PLEKHN1: variants seen among roughly 807,000 people sequenced by gnomAD.
PLEKHN1 encodes pleckstrin homology domain-containing family N member 1.
In PLEKHN1, 68 loss-of-function variants were observed where a neutral mutation model predicts 72.8. The ratio of observed to expected loss-of-function variants is 0.93; its 90% CI spans 0.77 to 1.14. The LOEUF (loss-of-function observed/expected upper bound fraction) is 1.14, where lower values mean the gene tolerates loss of function less well. PLEKHN1 is among the 50% of genes most tolerant of loss of function. The probability of loss-of-function intolerance (pLI) is 0.00; values close to 1 mark genes in which losing one functional copy is unlikely to be tolerated. For synonymous variants in PLEKHN1, 454 were observed against 371.6 expected, an observed-to-expected ratio of 1.22 and a Z score of -2.55; for missense variants, 1,015 against 840.5, an observed-to-expected ratio of 1.21 and a Z score of -2.57.
chr1:971,092 G>T (rs201680039), intron 6 of PLEKHN1, 21 bp from the exon 7 acceptor site: 2 of 1,585,834 alleles, frequency 1.3e-6, no homozygotes, highest in Non-Finnish European at 1.7e-6. Flanking sequence ...CTGCGGAGAC[G>T]AACTCCCCTG....
rs577867853 is a variant in PLEKHN1, at chr1:970,993, C to T, written c.599C>T (p.Ser200Leu). 24 of 1,604,146 alleles carry T rather than the reference C, an allele frequency of 1.5e-5. No homozygotes were observed. The highest frequency in any genetic ancestry group is 6.7e-5 in the East Asian group (3 of 44,492). Residue 200 changes from serine (S) to leucine (L), a missense_variant, in exon 6 of 16, where the codon TCG becomes TTG. Coordinates refer to ENST00000379410, the MANE Select transcript of PLEKHN1 (RefSeq NM_032129.3). The surrounding 1 kb of genome is among the most constrained non-coding windows in gnomAD (Gnocchi z 4.2). ...CTCGGGGGGCCGCGGCGCTGCCACT[C>T]GGCACCCCCACAGGTCAGTGCCGGG... Reference protein sequence around the residue: ...ALLGGPRRCHSAPPQRRLTRL... With the variant: ...ALLGGPRRCHLAPPQRRLTRL...
chr1:974,836 A>G lies in PLEKHN1; in HGVS notation c.*261A>G. 1 of 518,604 alleles carries G rather than the reference A, an allele frequency of 1.9e-6. No individual in the cohort carries two copies. Among genetic ancestry groups the G allele is most frequent in the Non-Finnish European group, 3.4e-6 (1 of 292,040 alleles). 32.1% of individuals were successfully genotyped at this position (518,604 alleles called of 1,614,324 possible). Reference sequence around the variant, plus strand: ...CAGGTCAGGGAGGTCCTGGCCGTCCACAGGGTCGGCCCTCAGCTCAGCCCG... The same window carrying G: ...CAGGTCAGGGAGGTCCTGGCCGTCCGCAGGGTCGGCCCTCAGCTCAGCCCG... On this transcript the variant is annotated 3_prime_UTR_variant, in exon 16 of 16. Transcript: ENST00000379410.
At position 970,537 on chromosome 1, in the gene PLEKHN1, A is replaced by G; in HGVS notation, c.347A>G (p.Tyr116Cys). The stretch of plus-strand genomic sequence containing the variant: ...CCCGCGCAGGATGTCAGCGACTGCT[A>G]CCTGGAGCTATTCCCCGCCCACCTG... ...FQHSQDVSDC[Y>C]LELFPAHLYF... Residue 116 changes from tyrosine to cysteine, a missense_variant, in exon 4 of 16, where the codon TAC becomes TGC. Transcript: ENST00000379410. The surrounding 1 kb of genome is among the most constrained non-coding windows in gnomAD (Gnocchi z 4.2). 1 of 1,613,064 alleles carries G rather than the reference A, an allele frequency of 6.2e-7. No individual in the cohort carries two copies. Among genetic ancestry groups the G allele is most frequent in the African/African-American group, 1.3e-5 (1 of 75,010 alleles).
intron 2 of PLEKHN1, among the ~76,000 whole-genome samples, chr1:969,357 G>A (rs1643161004): frequency 7.2e-6 from 1 of 139,460 alleles, no homozygotes; most frequent in Non-Finnish European, 1.5e-5. Context: ...GTGTATGTGT[G>A]CATGTGTTTG....
In PLEKHN1 at chr1:974,503, G is replaced by A. The variant is rs901648107; in HGVS notation, c.1764G>A (p.Leu588=). 3 of 1,612,576 alleles carry A rather than the reference G, an allele frequency of 1.9e-6. No individual in the cohort carries two copies. The Admixed American group carries it at 5.0e-5, about 27-fold the overall frequency. ...ACGACCACCTCTGGGACGAGACTTT[G>A]TCTTCCTCCCACCAGAAGTGCCCCC... is the stretch of plus-strand genomic sequence containing the variant. ...PGYDHLWDET[L]SSSHQKCPQL... Residue 588 remains leucine (L), a synonymous_variant, in exon 16 of 16, where the codon TTG becomes TTA. Coordinates refer to ENST00000379410, the MANE Select transcript of PLEKHN1 (RefSeq NM_032129.3).
intron 8 of PLEKHN1, among the ~76,000 whole-genome samples, 182 bp from the exon 9 acceptor site, chr1:971,893 C>G (rs546555383): frequency 6.6e-6 from 1 of 152,230 alleles, no homozygotes; most frequent in Non-Finnish European, 1.5e-5. Context: ...AAGGCCCCCG[C>G]GCCAGGGTTG....
intron 2 of PLEKHN1, among the ~76,000 whole-genome samples, chr1:967,767 C>T (rs888317058): frequency 2.6e-5 from 4 of 152,170 alleles, no homozygotes; most frequent in African/African-American, 9.7e-5. Flanking sequence ...GAGAGGGAGC[C>T]GGGCTGGGTT....
In PLEKHN1 at chr1:973,001, G is replaced by A. The variant is rs1443125107; in HGVS notation, c.1143G>A (p.Gln381=). Residue 381 remains glutamine, a synonymous_variant, in exon 11 of 16, where the codon CAG becomes CAA. Coordinates refer to ENST00000379410, the MANE Select transcript of PLEKHN1 (RefSeq NM_032129.3). ...SVPSTVGCSS[Q]HTPDQANSDR... The stretch of plus-strand genomic sequence containing the variant: ...CATCCACCGTGGGCTGCTCCTCCCA[G>A]CACACACCGGTGAGCGCTTACGGGG... 3 of 1,598,458 alleles carry A rather than the reference G, an allele frequency of 1.9e-6. No individual in the cohort carries two copies. Among genetic ancestry groups the A allele is most frequent in the Non-Finnish European group, 1.7e-6 (2 of 1,172,534 alleles).
rs893591724 is a variant in PLEKHN1, at chr1:975,255, C to T, written c.*680C>T. On this transcript the variant is annotated 3_prime_UTR_variant, in exon 16 of 16. Transcript: ENST00000379410. ...CATCCATGTGTTCTCTGCTCAGCAGCCAGGGTCTCCCACAGTCTTGAGGAC... is the reference window on the plus strand; with the variant it reads ...CATCCATGTGTTCTCTGCTCAGCAGTCAGGGTCTCCCACAGTCTTGAGGAC... 6.6e-6 allele frequency: 1 copy of T among 152,442 alleles called. No homozygotes were observed. The highest frequency in any genetic ancestry group is 6.5e-5 in the Admixed American group (1 of 15,292). 9.4% of individuals were successfully genotyped at this position (152,442 alleles called of 1,614,324 possible). A position where few individuals can be genotyped will look rare whatever the true frequency, so the allele number is the denominator to read the frequency against.
chr1:973,778 A>G, intron 13 of PLEKHN1, 55 bp from the exon 14 acceptor site: 1 of 1,579,344 alleles, frequency 6.3e-7, no homozygotes, highest in Non-Finnish European at 8.6e-7. Flanking sequence ...TGGGAGGTTG[A>G]GGTTCTGGGG....
At chr1:971,289 T>TC in intron 7 of PLEKHN1, 35 bp from the exon 8 acceptor site, 2 of 1,555,842 alleles carry the variant, frequency 1.3e-6, no homozygotes, top group Non-Finnish European at 1.7e-6. Flanking sequence ...GCAGCTCAGT[T>TC]CCCTCATCGC....
chr1:972,168 G>C lies in PLEKHN1; in HGVS notation c.865+18G>C, dbSNP rs1364677993. On this transcript the variant is annotated intron_variant, in intron 9 of 15. Coordinates refer to ENST00000379410, the MANE Select transcript of PLEKHN1 (RefSeq NM_032129.3). ...GATTGAAGGTAGGGCCCTGACCCTG[G>C]TTCTGCCTCCCGCCTGGCCAGGCCA... The C allele has an allele frequency of 2.5e-6, 4 of 1,611,918 alleles. No homozygotes were observed. Among genetic ancestry groups the C allele is most frequent in the Admixed American group, 3.3e-5 (2 of 59,882 alleles).
Position 971,349 on chromosome 1 carries a change from T to C in PLEKHN1, c.734T>C (p.Leu245Pro). 2.5e-6 allele frequency: 4 copies of C among 1,574,998 alleles called. No individual in the cohort carries two copies. The highest frequency in any genetic ancestry group is 3.4e-6 in the Non-Finnish European group (4 of 1,159,970). ...GAGCAGTGGGACCGGCTCTTGGTCC[T>C]GTACCCAACGTCCTTGGCCATTTTC... is the stretch of plus-strand genomic sequence containing the variant. Reference protein sequence around the residue: ...AQEQWDRLLVLYPTSLAIFSE... With the variant: ...AQEQWDRLLVPYPTSLAIFSE... Residue 245 changes from leucine to proline, a missense_variant, in exon 8 of 16, where the codon CTG becomes CCG. Coordinates refer to ENST00000379410, the MANE Select transcript of PLEKHN1 (RefSeq NM_032129.3).
chr1:974,386 T>A (rs762293359), intron 15 of PLEKHN1, 22 bp downstream of exon 15: 43 of 1,612,978 alleles, frequency 2.7e-5, no homozygotes, highest in Non-Finnish European at 3.6e-5. Flanking sequence ...TCCTGCCTCC[T>A]GAGGTGAGTG....
At chr1:971,247 G>A in intron 7 of PLEKHN1, 39 bp downstream of exon 7, 2 of 1,558,800 alleles carry the variant, frequency 1.3e-6, no homozygotes, top group Non-Finnish European at 1.7e-6. Flanking sequence ...GGGATGGGAG[G>A]GGTGCATGGT....
chr1:973,790 C>A, intron 13 of PLEKHN1, 43 bp from the exon 14 acceptor site: 2 of 1,586,664 alleles, frequency 1.3e-6, no homozygotes, highest in Non-Finnish European at 1.7e-6. Flanking sequence ...GTTCTGGGGG[C>A]CCCTGGCTGC....
chr1:971,654 C>G (rs923483042), intron 8 of PLEKHN1: 1 of 596,016 alleles, frequency 1.7e-6, no homozygotes, highest in Admixed American at 3.0e-5. Flanking sequence ...CTGAGAGCCC[C>G]TCCCGGGGAC....
rs774665236 is a variant in PLEKHN1, at chr1:973,835, C to T, written c.1437C>T (p.Phe479=). The T allele has an allele frequency of 6.2e-6, 10 of 1,609,234 alleles. No homozygotes were observed. The South Asian group carries it at 1.1e-4, about 18-fold the overall frequency. ...CCCAGCCCTGGCTCTCCCTGCAGTTCCTCAGTGCCATGCAGAGTGCACGTG... is the reference window on the plus strand; with the variant it reads ...CCCAGCCCTGGCTCTCCCTGCAGTTTCTCAGTGCCATGCAGAGTGCACGTG... ...RVTDVRGLEE[F]LSAMQSARGP... Residue 479 remains phenylalanine (F), a splice_region_variant and synonymous_variant, in exon 14 of 16, where the codon TTC becomes TTT. Transcript: ENST00000379410.
At chr1:966,915 C>A in intron 2 of PLEKHN1, 112 bp downstream of exon 2, 4 of 1,198,076 alleles carry the variant, frequency 3.3e-6, no homozygotes, top group Non-Finnish European at 4.5e-6. Flanking sequence ...GGCGTTCAGA[C>A]CCCGGTAGGT....
Sources: allele counts gnomAD v4.1 joint callset (sites outside exome capture counted in the v4.1 genomes callset), GRCh38; gene constraint gnomAD v4.1.1; non-coding constraint Gnocchi (gnomAD v3.1); transcripts MANE v1.5; gene names NCBI Gene and HGNC (gene_info 2026-07-23, HGNC 2026-07-21).